KHDRBS2: variants seen among roughly 807,000 people sequenced by gnomAD.
KHDRBS2 encodes the protein KH RNA binding domain containing, signal transduction associated 2.
KHDRBS2 carries 26 observed loss-of-function variants against 44.3 expected under a neutral mutation model. The ratio of observed to expected loss-of-function variants is 0.59; its 90% CI spans 0.43 to 0.81. The LOEUF (loss-of-function observed/expected upper bound fraction) is 0.81. Ranked by LOEUF, KHDRBS2 falls within the 40% of genes least tolerant of loss-of-function variation. The pLI, the probability that KHDRBS2 is intolerant of heterozygous loss-of-function variation, is 0.00. For missense variants in KHDRBS2, 476 were observed against 433.1 expected (o/e 1.10, Z -0.88); for synonymous variants, 194 against 151.1 (o/e 1.28, Z -2.08).
chr6:61,567,477 A>T, the KHDRBS2 span, among the ~76,000 whole-genome samples: 1 of 152,144 alleles, frequency 6.6e-6, no homozygotes, highest in African/African-American at 2.4e-5. Context: ...CTACAAAAAA[A>T]GTAAAAATAA....
chr6:61,705,638 T>G (rs149857444), intron 7 of KHDRBS2, among the ~76,000 whole-genome samples: 1 of 151,930 alleles, frequency 6.6e-6, no homozygotes, highest in East Asian at 1.9e-4. Context: ...GGGTAACTAT[T>G]TACAGTATGA....
intron 2 of KHDRBS2, among the ~76,000 whole-genome samples, chr6:62,140,254 A>G (rs1169120540): frequency 6.6e-6 from 1 of 152,224 alleles, no homozygotes; most frequent in Non-Finnish European, 1.5e-5. Flanking sequence ...CACCCCATGA[A>G]AAGTATTTCT....
intron 2 of KHDRBS2, among the ~76,000 whole-genome samples, chr6:62,110,282 C>T (rs139342374): frequency 6.6e-6 from 1 of 151,984 alleles, no homozygotes; most frequent in South Asian, 2.1e-4. Flanking sequence ...TCTAAAGAAT[C>T]CAACATATAT....
intron 2 of KHDRBS2, among the ~76,000 whole-genome samples, chr6:62,108,762 C>A (rs1464269226): frequency 6.6e-6 from 1 of 152,120 alleles, no homozygotes; most frequent in Non-Finnish European, 1.5e-5. Context: ...GAATACTATG[C>A]ACCTATAAAA....
chr6:61,923,684 A>G (rs928899823), intron 4 of KHDRBS2, among the ~76,000 whole-genome samples: 2 of 152,170 alleles, frequency 1.3e-5, no homozygotes, highest in African/African-American at 2.4e-5. Flanking sequence ...GCTCAATTCA[A>G]TAACAGTCAT....
At chr6:62,051,052 C>A (rs1788911850) in intron 2 of KHDRBS2, among the ~76,000 whole-genome samples, 1 of 151,998 alleles carries the variant, frequency 6.6e-6, no homozygotes, top group South Asian at 2.1e-4. Context: ...ATTCTAGCAG[C>A]AAAAATAATA....
chr6:61,977,640 T>C lies in KHDRBS2; in HGVS notation c.483+426A>G, dbSNP rs187513061. Among the ~76,000 whole-genome samples the C allele has an allele frequency of 1.9e-4, 29 of 152,254 alleles. 1 individual carries two copies. In the East Asian group the frequency reaches 5.2e-3, roughly 27 times the overall value. On this transcript the variant is annotated intron_variant, in intron 4 of 8. Coordinates refer to ENST00000281156, the MANE Select transcript of KHDRBS2 (RefSeq NM_152688.4). The stretch of plus-strand genomic sequence containing the variant: ...TGGATATGTTTAAATGATATCATTG[T>C]CTTATTTCAAATTATTACATATCTG...
intron 3 of KHDRBS2, among the ~76,000 whole-genome samples, chr6:62,033,132 G>T (rs1271809332): frequency 6.6e-6 from 1 of 151,942 alleles, no homozygotes. Flanking sequence ...AATAATTAGT[G>T]AGCTTGAGCA....
chr6:61,846,180 T>C (rs1334353475), intron 6 of KHDRBS2, among the ~76,000 whole-genome samples: 1 of 152,196 alleles, frequency 6.6e-6, no homozygotes, highest in Non-Finnish European at 1.5e-5. Context: ...ATTAAACCCT[T>C]TTCTTATACA....
chr6:62,247,310 G>C (rs1835743896), intron 1 of KHDRBS2, among the ~76,000 whole-genome samples: 1 of 151,562 alleles, frequency 6.6e-6, no homozygotes, highest in Non-Finnish European at 1.5e-5. Context: ...ATTCTTTTTG[G>C]TGCTAGGTTG....
At chr6:61,549,389 G>T in the KHDRBS2 span, among the ~76,000 whole-genome samples, 6 of 152,136 alleles carry the variant, frequency 3.9e-5, no homozygotes, top group African/African-American at 1.4e-4. Flanking sequence ...TATTTCAATT[G>T]TTTATCATAT....
At chr6:62,030,326 A>G (rs1784120393) in intron 3 of KHDRBS2, among the ~76,000 whole-genome samples, 1 of 152,054 alleles carries the variant, frequency 6.6e-6, no homozygotes, top group African/African-American at 2.4e-5. Context: ...TTCTTCAGAG[A>G]AGGTTAAATT....
chr6:61,738,399 C>T (rs1356217891), intron 6 of KHDRBS2, among the ~76,000 whole-genome samples: 1 of 151,974 alleles, frequency 6.6e-6, no homozygotes, highest in East Asian at 1.9e-4. Flanking sequence ...TTCTTTCTAT[C>T]TGTGAAGTTA....
chr6:61,720,691 C>T (rs1259652139), intron 7 of KHDRBS2, among the ~76,000 whole-genome samples: 14 of 152,054 alleles, frequency 9.2e-5, no homozygotes, highest in Admixed American at 2.6e-4. Flanking sequence ...CTTTGTTAGA[C>T]GAGTAGGTTG....
At chr6:61,658,737 G>A in the KHDRBS2 span, among the ~76,000 whole-genome samples, 3,733 of 151,872 alleles carry the variant, frequency 0.025, 71 homozygotes, top group Middle Eastern at 0.082. Flanking sequence ...ATAAAATTTG[G>A]CATTTTAAAA....
intron 1 of KHDRBS2, among the ~76,000 whole-genome samples, chr6:62,262,627 C>A (rs1838544197): frequency 6.6e-6 from 1 of 151,636 alleles, no homozygotes; most frequent in African/African-American, 2.4e-5. Flanking sequence ...GGAATCTAAC[C>A]TATCTGAAAT....
At chr6:61,678,445 GTTATT>G (rs1457814181), downstream of KHDRBS2, among the ~76,000 whole-genome samples, 2 of 151,974 alleles carry the variant, frequency 1.3e-5, no homozygotes, top group African/African-American at 2.4e-5. Context: ...GTAATGTTTA[GTTATT>G]TTATTTTATT....
intron 6 of KHDRBS2, among the ~76,000 whole-genome samples, chr6:61,818,644 T>C (rs1447933565): frequency 6.6e-6 from 1 of 152,028 alleles, no homozygotes; most frequent in African/African-American, 2.4e-5. Flanking sequence ...AAAAAGGTCA[T>C]TGAAAATGTG....
chr6:62,173,683 A>G (rs1209248855), intron 2 of KHDRBS2, among the ~76,000 whole-genome samples: 2 of 152,108 alleles, frequency 1.3e-5, no homozygotes, highest in Admixed American at 1.3e-4. Context: ...ATACTAGCAA[A>G]CCAAATCCAG....
Sources: gnomAD v4.1 joint callset for allele counts (sites outside exome capture counted in the v4.1 genomes callset) on GRCh38, gnomAD v4.1.1 for gene constraint, MANE v1.5 for transcripts, NCBI Gene and HGNC (gene_info 2026-07-23, HGNC 2026-07-21) for gene names.